MARK3: variants seen among roughly 807,000 people sequenced by gnomAD.
The protein encoded by MARK3 is microtubule affinity regulating kinase 3, also known as MAP/microtubule affinity-regulating kinase 3.
A neutral mutation model predicts 90.1 loss-of-function variants in MARK3; 46 were observed. The observed-to-expected ratio is 0.51, with a 90% CI of 0.40 to 0.65. The LOEUF (loss-of-function observed/expected upper bound fraction) is 0.65, where lower values mean the gene tolerates loss of function less well. Among genes scored for constraint, MARK3 ranks in the 30% least tolerant of loss-of-function variants. The probability of loss-of-function intolerance (pLI) is 0.00; values close to 1 mark genes in which losing one functional copy is unlikely to be tolerated. For missense variants in MARK3, 818 were observed against 947.2 expected, an observed-to-expected ratio of 0.86 and a Z score of 1.79; for synonymous variants, 321 against 332.6, an observed-to-expected ratio of 0.97 and a Z score of 0.38.
chr14:103,387,489 TATTTA>T, intron 1 of MARK3, among the ~76,000 whole-genome samples: 1 of 152,096 alleles, frequency 6.6e-6, no homozygotes, highest in Non-Finnish European at 1.5e-5. Context: ...TTTATTTATT[TATTTA>T]TTTACTTATT....
chr14:103,467,008 A>AAG, intron 10 of MARK3, 71 bp from the exon 11 acceptor site: 10 of 511,520 alleles, frequency 2.0e-5, no homozygotes, highest in South Asian at 3.5e-5. Flanking sequence ...CCGTCTCAAA[A>AAG]AAAAAAAAAA....
At chr14:103,423,472 C>T (rs1195332115) in intron 2 of MARK3, among the ~76,000 whole-genome samples, 1 of 152,142 alleles carries the variant, frequency 6.6e-6, no homozygotes, top group African/African-American at 2.4e-5. Flanking sequence ...GTGGCTTTCT[C>T]ACTTAGTGAG....
intron 3 of MARK3, among the ~76,000 whole-genome samples, chr14:103,430,681 T>C (rs1191750832): frequency 3.3e-5 from 5 of 152,198 alleles, no homozygotes; most frequent in African/African-American, 4.8e-5. Context: ...TGTTAAAATA[T>C]CGGTTTCATG....
At chr14:103,500,091 T>G (rs1326320853) in intron 16 of MARK3, 65 bp from the exon 17 acceptor site, 4 of 1,254,444 alleles carry the variant, frequency 3.2e-6, no homozygotes, top group Non-Finnish European at 4.6e-6. Flanking sequence ...GGTGGTCATG[T>G]ACTGGCATGT....
At chr14:103,451,857 G>A (rs1016924569) in intron 4 of MARK3, 61 bp from the exon 5 acceptor site, 14 of 1,168,064 alleles carry the variant, frequency 1.2e-5, no homozygotes, top group Middle Eastern at 2.0e-4. Flanking sequence ...GTTTATATGT[G>A]CATGGTTTGT....
At chr14:103,465,336 A>G (rs1049038271) in intron 7 of MARK3, among the ~76,000 whole-genome samples, 4 of 152,210 alleles carry the variant, frequency 2.6e-5, no homozygotes, top group East Asian at 1.9e-4. Flanking sequence ...TGTTTAAATT[A>G]GTGCTAGAAT....
intron 2 of MARK3, among the ~76,000 whole-genome samples, chr14:103,407,391 A>T (rs1201841940): frequency 6.6e-6 from 1 of 152,046 alleles, no homozygotes; most frequent in Non-Finnish European, 1.5e-5. Context: ...CTCATAGCGT[A>T]TGTTTAATCG....
intron 14 of MARK3, among the ~76,000 whole-genome samples, chr14:103,482,428 G>T (rs1440999832): frequency 6.6e-6 from 1 of 152,034 alleles, no homozygotes; most frequent in African/African-American, 2.4e-5. Flanking sequence ...GACTGAGGCA[G>T]GAGAATTACT....
chr14:103,444,673 A>G (rs1424233951), intron 3 of MARK3, among the ~76,000 whole-genome samples: 3 of 152,112 alleles, frequency 2.0e-5, no homozygotes, highest in Non-Finnish European at 2.9e-5. Flanking sequence ...GCTACTAAGG[A>G]GGCTGAGGCA....
intron 6 of MARK3, among the ~76,000 whole-genome samples, chr14:103,461,142 T>G (rs1687748409): frequency 6.6e-6 from 1 of 152,238 alleles, no homozygotes; most frequent in African/African-American, 2.4e-5. Flanking sequence ...GATGATGATT[T>G]GGAGGAACCA....
At chr14:103,413,854 T>C (rs2091807653) in intron 2 of MARK3, among the ~76,000 whole-genome samples, 1 of 152,158 alleles carries the variant, frequency 6.6e-6, no homozygotes, top group African/African-American at 2.4e-5. Context: ...GTCTTTGAGA[T>C]TGATTCAGGC....
At chr14:103,489,062 G>T (rs2093977091) in intron 14 of MARK3, among the ~76,000 whole-genome samples, 1 of 152,190 alleles carries the variant, frequency 6.6e-6, no homozygotes, top group African/African-American at 2.4e-5. Context: ...GGGACCTCCA[G>T]CAGAGAAGGG....
intron 1 of MARK3, 35 bp downstream of exon 1, chr14:103,386,115 C>T (rs1566743449): frequency 1.2e-6 from 2 of 1,605,388 alleles, no homozygotes; most frequent in Non-Finnish European, 8.5e-7. Context: ...GGCGGACCTT[C>T]GGGGTGGCAT....
chr14:103,465,571 G>GT lies in MARK3; in HGVS notation c.557dup (p.Leu186PhefsTer8). ...TTTCCCTCTAGGCTGAAAATCTATT[G>GT]TTAGATGCCGATATGAACATTAAAA... On this transcript the variant is annotated frameshift_variant, in exon 8 of 18. Coordinates refer to ENST00000429436, the MANE Select transcript of MARK3 (RefSeq NM_001128918.3). LOFTEE classifies it high-confidence loss of function. The GT allele has an allele frequency of 6.2e-7, 1 of 1,612,720 alleles. No individual in the cohort carries two copies. Among genetic ancestry groups the GT allele is most frequent in the Non-Finnish European group, 8.5e-7 (1 of 1,178,782 alleles).
chr14:103,491,272 G>A, intron 14 of MARK3: 1 of 327,720 alleles, frequency 3.1e-6, no homozygotes, highest in Non-Finnish European at 5.2e-6. Flanking sequence ...CCTCGGTTGT[G>A]TATTGTGTGT....
intron 12 of MARK3, among the ~76,000 whole-genome samples, chr14:103,470,076 A>T (rs942187021): frequency 7.4e-5 from 11 of 147,882 alleles, no homozygotes; most frequent in East Asian, 2.0e-4. Flanking sequence ...AAAAAAAAAA[A>T]TTTGTACTTA....
At chr14:103,412,489 G>T in intron 2 of MARK3, 1 of 506,534 alleles carries the variant, frequency 2.0e-6, no homozygotes, top group Non-Finnish European at 3.6e-6. Flanking sequence ...TCTTATTCTT[G>T]AGTTTTTTTG....
chr14:103,452,117 C>T (rs932098297), intron 5 of MARK3, 134 bp downstream of exon 5: 12 of 561,572 alleles, frequency 2.1e-5, no homozygotes, highest in African/African-American at 9.7e-5. Flanking sequence ...GGATGAGAGT[C>T]GGAAAAGCTG....
chr14:103,399,542 G>A (rs1195463957), intron 1 of MARK3, among the ~76,000 whole-genome samples: 3 of 151,666 alleles, frequency 2.0e-5, no homozygotes, highest in East Asian at 3.9e-4. Context: ...CTAAAAATAC[G>A]AAAAAAATTA....
Sources: allele counts gnomAD v4.1 joint callset (sites outside exome capture counted in the v4.1 genomes callset), GRCh38; gene constraint gnomAD v4.1.1; transcripts MANE v1.5; gene names NCBI Gene and HGNC (gene_info 2026-07-23, HGNC 2026-07-21).